The following TPTE2 variants were observed in gnomAD, a reference collection of about 807,000 sequenced individuals.
TPTE2 encodes the protein phosphatidylinositol 3,4,5-trisphosphate 3-phosphatase TPTE2.
In TPTE2, 53 loss-of-function variants were observed where a neutral mutation model predicts 78.6. That is an observed-to-expected ratio of 0.67 (90% CI 0.54 to 0.85). The LOEUF is 0.85. Among genes scored for constraint, TPTE2 ranks in the 40% least tolerant of loss-of-function variants. The pLI, the probability that TPTE2 is intolerant of heterozygous loss-of-function variation, is 0.00. For missense variants in TPTE2, 461 were observed against 623.0 expected, an observed-to-expected ratio of 0.74 and a Z score of 2.77; for synonymous variants, 175 against 206.2, an observed-to-expected ratio of 0.85 and a Z score of 1.30.
chr13:19,474,040 G>A (rs1879792817), exon 6 of TPTE2: 2 of 1,606,488 alleles, frequency 1.2e-6, no homozygotes, highest in Non-Finnish European at 1.7e-6. Context: ...AAGGAGGAGA[G>A]TGACATCCAG....
chr13:19,466,878 C>T (rs1016224827), intron 7 of TPTE2, among the ~76,000 whole-genome samples: 1 of 152,140 alleles, frequency 6.6e-6, no homozygotes, highest in African/African-American at 2.4e-5. Flanking sequence ...GAATATTATA[C>T]TTGATCTTAG....
chr13:19,552,948 T>C, the TPTE2 span, among the ~76,000 whole-genome samples: 5 of 148,462 alleles, frequency 3.4e-5, no homozygotes, highest in African/African-American at 1.2e-4. Flanking sequence ...CACTGCCCCC[T>C]CTACTGGAAA....
At chr13:19,496,990 G>T (rs1429714537) in intron 1 of TPTE2, among the ~76,000 whole-genome samples, 28 of 152,250 alleles carry the variant, frequency 1.8e-4, no homozygotes, top group Non-Finnish European at 4.0e-4. Context: ...CACTTGGGAA[G>T]TGCAAGGGGT....
chr13:19,497,767 T>C (rs1474646910), intron 1 of TPTE2, among the ~76,000 whole-genome samples: 1,931 of 151,498 alleles, frequency 0.013, 20 homozygotes, highest in Middle Eastern at 0.031. Context: ...AGGAACGCAG[T>C]TCCTCACCAG....
At chr13:19,436,274 G>T (rs772396230) in exon 15 of TPTE2, 7 of 1,613,120 alleles carry the variant, frequency 4.3e-6, no homozygotes, top group Admixed American at 1.7e-5. Context: ...GGGTTTTATT[G>T]GTTCGCCTTT....
At chr13:19,425,936 G>A in intron 18 of TPTE2, 1 of 220,614 alleles carries the variant, frequency 4.5e-6, no homozygotes, top group Non-Finnish European at 9.3e-6. Flanking sequence ...TTTCTAGTCA[G>A]TGCTCCCAGC....
intron 18 of TPTE2, chr13:19,425,813 C>CTGCGA (rs1555246333): frequency 2.4e-6 from 1 of 424,584 alleles, no homozygotes; most frequent in South Asian, 1.5e-5. Flanking sequence ...CCAGTTGGCC[C>CTGCGA]TGTGTGCTGC....
exon 12 of TPTE2, chr13:19,450,289 A>G: frequency 1.2e-6 from 2 of 1,611,352 alleles, no homozygotes; most frequent in African/African-American, 1.3e-5. Flanking sequence ...TATGATCATC[A>G]ATCATGATTC....
In TPTE2 at chr13:19,535,346, T is replaced by C. The variant is rs1176206089; in HGVS notation, c.-44+1250A>G. On this transcript the variant is annotated intron_variant, in intron 1 of 17. Coordinates refer to the TPTE2 transcript ENST00000390680. The surrounding 1 kb of genome is among the most constrained non-coding windows in gnomAD (Gnocchi z 5.1). ...CAACATGGTCCCAACTGTGGAGGTA[T>C]CATCATCTTCCAAAGCTATCTACAA... Among the ~76,000 whole-genome samples the C allele has an allele frequency of 6.6e-6, 1 of 152,002 alleles. No individual in the cohort carries two copies. Among genetic ancestry groups the C allele is most frequent in the Non-Finnish European group, 1.5e-5 (1 of 67,996 alleles).
chr13:19,532,848 G>C (rs1452552073), intron 1 of TPTE2, among the ~76,000 whole-genome samples: 2 of 152,288 alleles, frequency 1.3e-5, no homozygotes, highest in African/African-American at 4.8e-5. Flanking sequence ...AAGGAGATCA[G>C]CACAGAAAAT....
chr13:19,463,721 T>C (rs796804083), intron 10 of TPTE2, among the ~76,000 whole-genome samples: 6 of 152,304 alleles, frequency 3.9e-5, no homozygotes, highest in African/African-American at 1.4e-4. Context: ...TGCAGTAATA[T>C]AATCTTCAGG....
chr13:19,438,923 C>T (rs1357775146), intron 13 of TPTE2, among the ~76,000 whole-genome samples: 1 of 152,118 alleles, frequency 6.6e-6, no homozygotes, highest in Non-Finnish European at 1.5e-5. Flanking sequence ...CTCTGTCTCA[C>T]CTTTCCACTG....
chr13:19,558,353 G>A, the TPTE2 span, among the ~76,000 whole-genome samples: 1 of 152,092 alleles, frequency 6.6e-6, no homozygotes, highest in Non-Finnish European at 1.5e-5. Flanking sequence ...CCTATTCATT[G>A]TAGGCCTGAC....
At chr13:19,557,188 G>T in the TPTE2 span, among the ~76,000 whole-genome samples, 1 of 152,306 alleles carries the variant, frequency 6.6e-6, no homozygotes, top group Non-Finnish European at 1.5e-5. Flanking sequence ...ACCCAAATTA[G>T]TAGCTAATCT....
upstream of TPTE2, among the ~76,000 whole-genome samples, chr13:19,537,391 G>A (rs553086544): frequency 4.0e-5 from 6 of 151,610 alleles, no homozygotes; most frequent in South Asian, 1.3e-3. Context: ...CTGCCACCAT[G>A]CCCAGCTAAA....
At chr13:19,492,623 A>T (rs563712287) in intron 3 of TPTE2, among the ~76,000 whole-genome samples, 1 of 152,346 alleles carries the variant, frequency 6.6e-6, no homozygotes, top group Admixed American at 6.5e-5. Context: ...AAACCTTGTT[A>T]AAAAATACTC....
At chr13:19,492,537 C>A (rs1204458864) in intron 3 of TPTE2, among the ~76,000 whole-genome samples, 2 of 152,066 alleles carry the variant, frequency 1.3e-5, no homozygotes, top group South Asian at 4.1e-4. Flanking sequence ...AGCTCTCCTA[C>A]GAACTGACCT....
chr13:19,441,026 G>A (rs1206144893), intron 13 of TPTE2, among the ~76,000 whole-genome samples: 1 of 151,710 alleles, frequency 6.6e-6, no homozygotes, highest in African/African-American at 2.4e-5. Flanking sequence ...GGTGGAGGTT[G>A]CAGTGAGCCA....
intron 1 of TPTE2, among the ~76,000 whole-genome samples, chr13:19,501,881 T>G (rs1433858792): frequency 2.0e-5 from 3 of 150,668 alleles, no homozygotes; most frequent in South Asian, 2.1e-4. Flanking sequence ...TGGGAGAAAA[T>G]TTTCGCAACC....
Sources: allele counts gnomAD v4.1 joint callset (sites outside exome capture counted in the v4.1 genomes callset), GRCh38; gene constraint gnomAD v4.1.1; non-coding constraint Gnocchi (gnomAD v3.1); transcripts MANE v1.5; gene names NCBI Gene and HGNC (gene_info 2026-07-23, HGNC 2026-07-21).